The following ARPC2 variants were observed in gnomAD, a reference collection of about 807,000 sequenced individuals.
ARPC2 encodes actin-related protein 2/3 complex subunit 2.
In ARPC2, 4 loss-of-function variants were observed where a neutral mutation model predicts 38.6. The observed-to-expected ratio is 0.10, with a 90% CI of 0.05 to 0.24. ARPC2 has a LOEUF of 0.24. ARPC2 is among the 10% of genes least tolerant of loss of function. The pLI, the probability that ARPC2 is intolerant of heterozygous loss-of-function variation, is 1.00. For missense variants in ARPC2, 229 were observed against 387.3 expected (o/e 0.59, Z 3.43); for synonymous variants, 125 against 140.8 (o/e 0.89, Z 0.79).
chr2:218,243,815 C>T (rs972846537), intron 7 of ARPC2, among the ~76,000 whole-genome samples: 1 of 152,206 alleles, frequency 6.6e-6, no homozygotes, highest in Non-Finnish European at 1.5e-5. Context: ...AGAAACGTAT[C>T]GTTGACCGAG....
chr2:218,244,745 A>G (rs1689992150), intron 7 of ARPC2, among the ~76,000 whole-genome samples: 1 of 152,170 alleles, frequency 6.6e-6, no homozygotes, highest in Non-Finnish European at 1.5e-5. Flanking sequence ...AAAACAAGAG[A>G]CCTTGGAGAG....
chr2:218,234,190 T>G (rs1689713840), intron 4 of ARPC2, 162 bp from the exon 5 acceptor site: 1 of 555,540 alleles, frequency 1.8e-6, no homozygotes, highest in African/African-American at 1.9e-5. Flanking sequence ...GTTTGGTGAC[T>G]AAATCCACTT....
chr2:218,224,342 T>C (rs2106144386), intron 2 of ARPC2, among the ~76,000 whole-genome samples: 1 of 152,288 alleles, frequency 6.6e-6, no homozygotes, highest in South Asian at 2.1e-4. Context: ...AAAAAAAAAC[T>C]TACTAAGTGA....
intron 4 of ARPC2, among the ~76,000 whole-genome samples, chr2:218,229,984 T>G (rs1473566920): frequency 6.6e-6 from 1 of 152,108 alleles, no homozygotes; most frequent in East Asian, 1.9e-4. Flanking sequence ...TCTTTTTTTT[T>G]TTTGAGGTGG....
At chr2:218,238,120 A>G (rs1157747081) in intron 5 of ARPC2, among the ~76,000 whole-genome samples, 1 of 152,228 alleles carries the variant, frequency 6.6e-6, no homozygotes, top group Non-Finnish European at 1.5e-5. Context: ...GGGGAGGTAT[A>G]TGTATGAACA....
chr2:218,249,948 A>G (rs55688902), intron 10 of ARPC2, 27 bp downstream of exon 10: 54,106 of 1,554,444 alleles, frequency 0.035, 1,176 homozygotes, highest in Non-Finnish European at 0.04. Context: ...CCCAGCGACC[A>G]CCTTCCTCTC....
At chr2:218,227,070 T>G (rs1689515861) in intron 3 of ARPC2, 2 of 455,880 alleles carry the variant, frequency 4.4e-6, no homozygotes, top group Non-Finnish European at 4.4e-6. Context: ...GGAAGACTTT[T>G]GCAGCTCTGA....
At position 218,228,743 on chromosome 2, in the gene ARPC2, G is replaced by A. The variant is rs977385398; in HGVS notation, c.115G>A (p.Asp39Asn). Residue 39 changes from aspartate (D) to asparagine (N), a missense_variant, in exon 4 of 11, where the codon GAT (aspartate) becomes AAT (asparagine). Coordinates refer to ENST00000315717, the MANE Select transcript of ARPC2 (RefSeq NM_152862.3). ...EAVEVTFADF[D>N]GVLYHISNPN... ...CTTATTTGCTTTCCTCACAGATTTC[G>A]ATGGGGTCCTCTATCATATTTCAAA... The A allele has an allele frequency of 3.8e-6, 6 of 1,578,904 alleles. No homozygotes were observed. Among genetic ancestry groups the A allele is most frequent in the African/African-American group, 2.7e-5 (2 of 74,046 alleles).
intron 10 of ARPC2, among the ~76,000 whole-genome samples, chr2:218,250,548 C>A (rs1690160753): frequency 6.6e-6 from 1 of 151,894 alleles, no homozygotes; most frequent in Non-Finnish European, 1.5e-5. Flanking sequence ...GCCTGTAGTC[C>A]CGGCTACTCG....
intron 1 of ARPC2, 23 bp from the exon 2 acceptor site, chr2:218,217,440 G>A (rs745587433): frequency 6.2e-7 from 1 of 1,612,916 alleles, no homozygotes. Context: ...ACCGGCCCTT[G>A]TTTCTCCTTC....
At chr2:218,237,434 G>A (rs993243963) in intron 5 of ARPC2, among the ~76,000 whole-genome samples, 1 of 151,888 alleles carries the variant, frequency 6.6e-6, no homozygotes, top group Non-Finnish European at 1.5e-5. Context: ...CCTGACCTCA[G>A]GTGATCCACC....
At position 218,237,251 on chromosome 2, in the gene ARPC2, G is replaced by A. The variant is rs552438167; in HGVS notation, c.269-1413G>A. On this transcript the variant is annotated intron_variant, in intron 5 of 10. Transcript: ENST00000315717. ...TTTCACTCTTGTTGCTCAGGCTGGAGTGCCGTGGCGCGATCTCAGCTCATT... is the reference window on the plus strand; with the variant it reads ...TTTCACTCTTGTTGCTCAGGCTGGAATGCCGTGGCGCGATCTCAGCTCATT... Among the ~76,000 whole-genome samples the A allele has an allele frequency of 6.6e-5, 10 of 152,058 alleles. No homozygotes were observed. In the South Asian group the frequency reaches 2.1e-3, roughly 32 times the overall value.
chr2:218,218,710 A>G (rs1689316577), intron 2 of ARPC2, among the ~76,000 whole-genome samples: 1 of 152,260 alleles, frequency 6.6e-6, no homozygotes, highest in African/African-American at 2.4e-5. Context: ...TTAAGTGGTC[A>G]TAATGTACTT....
chr2:218,249,095 A>G (rs1559483871), intron 8 of ARPC2, among the ~76,000 whole-genome samples: 2 of 152,236 alleles, frequency 1.3e-5, no homozygotes, highest in Non-Finnish European at 2.9e-5. Context: ...TTCAAAATGC[A>G]CAGCTGCAGA....
chr2:218,252,924 T>C (rs1690228422), intron 10 of ARPC2: 4 of 456,670 alleles, frequency 8.8e-6, no homozygotes, highest in African/African-American at 4.0e-5. Context: ...AAGAGCAACT[T>C]TGCCTTCTTC....
chr2:218,251,790 G>C (rs918922104), intron 10 of ARPC2, among the ~76,000 whole-genome samples: 3 of 152,160 alleles, frequency 2.0e-5, no homozygotes, highest in African/African-American at 4.8e-5. Flanking sequence ...TTTAGTGGGT[G>C]TGGTACGCCT....
chr2:218,232,551 T>C (rs1689661337), intron 4 of ARPC2, among the ~76,000 whole-genome samples: 1 of 140,158 alleles, frequency 7.1e-6, no homozygotes, highest in Non-Finnish European at 1.6e-5. Flanking sequence ...ACTCAATTTT[T>C]TTTTTTTTTT....
intron 7 of ARPC2, among the ~76,000 whole-genome samples, chr2:218,243,200 C>T (rs1689956673): frequency 6.6e-6 from 1 of 152,126 alleles, no homozygotes; most frequent in Non-Finnish European, 1.5e-5. Flanking sequence ...CAATTATTTC[C>T]TTTTTTACAC....
chr2:218,237,784 C>T (rs1689809426), intron 5 of ARPC2, among the ~76,000 whole-genome samples: 1 of 150,520 alleles, frequency 6.6e-6, no homozygotes, highest in Non-Finnish European at 1.5e-5. Flanking sequence ...CCAGACTGCT[C>T]TCAAAACTCC....
Sources: gnomAD v4.1 joint callset for allele counts (sites outside exome capture counted in the v4.1 genomes callset) on GRCh38, gnomAD v4.1.1 for gene constraint, MANE v1.5 for transcripts, NCBI Gene and HGNC (gene_info 2026-07-23, HGNC 2026-07-21) for gene names.